Variants in RNF182 observed in about 807,000 individuals in gnomAD.
RNF182 encodes E3 ubiquitin-protein ligase RNF182.
RNF182 carries 15 observed loss-of-function variants against 14.4 expected under a neutral mutation model. That is an observed-to-expected ratio of 1.04 (90% confidence interval 0.70 to 1.60). The LOEUF (loss-of-function observed/expected upper bound fraction) is 1.60, where lower values mean the gene tolerates loss of function less well. Ranked by LOEUF, RNF182 falls within the 40% of genes most tolerant of loss-of-function variation. The probability of loss-of-function intolerance (pLI) is 0.00; values close to 1 mark genes in which losing one functional copy is unlikely to be tolerated. For missense variants in RNF182, 268 were observed against 294.8 expected (o/e 0.91, Z 0.67); for synonymous variants, 128 against 122.9 (o/e 1.04, Z -0.27).
chr6:13,947,070 G>A (rs994626196), intron 1 of RNF182, among the ~76,000 whole-genome samples: 4 of 151,950 alleles, frequency 2.6e-5, no homozygotes, highest in Middle Eastern at 3.4e-3. Flanking sequence ...TTAAATAAGA[G>A]CTTTCTATGA....
intron 1 of RNF182, among the ~76,000 whole-genome samples, chr6:13,927,417 C>T (rs1758857212): frequency 6.6e-6 from 1 of 152,150 alleles, no homozygotes; most frequent in African/African-American, 2.4e-5. Context: ...TGCTGATTCA[C>T]GGGAGTAGGA....
Position 13,977,268 on chromosome 6 carries a change from A to G in RNF182, c.149A>G (p.Lys50Arg). ...AGGGTTTGTGCCAAATGCCTCTACA[A>G]GATCATAGACTTTGGGGACTCCCCA... The part of the protein sequence containing the change: ...CHRVCAKCLY[K>R]IIDFGDSPQG... The change falls in exon 3 of 3, where the codon AAG (lysine) becomes AGG (arginine). Residue 50 changes from lysine (K) to arginine (R), a missense_variant. By Grantham distance (26) the Lys-to-Arg change is conservative (BLOSUM62 2). Transcript: ENST00000488300. 1 of 1,614,204 alleles carries G rather than the reference A, an allele frequency of 6.2e-7. No individual in the cohort carries two copies. Among genetic ancestry groups the G allele is most frequent in the Non-Finnish European group, 8.5e-7 (1 of 1,180,028 alleles).
intron 1 of RNF182, among the ~76,000 whole-genome samples, chr6:13,950,942 G>A (rs777077024): frequency 2.7e-5 from 4 of 147,822 alleles, no homozygotes; most frequent in South Asian, 2.2e-4. Context: ...GACTACAGTC[G>A]TGTGCCACCA....
chr6:13,962,815 T>C (rs959118491), intron 1 of RNF182, among the ~76,000 whole-genome samples: 1 of 152,186 alleles, frequency 6.6e-6, no homozygotes, highest in Non-Finnish European at 1.5e-5. Flanking sequence ...TGATGGATTC[T>C]ATAAGAATGA....
intron 1 of RNF182, among the ~76,000 whole-genome samples, chr6:13,969,219 T>C (rs579538): frequency 0.81 from 123,610 of 151,950 alleles, 51,059 homozygotes; most frequent in Middle Eastern, 0.91. Flanking sequence ...CATGGCAGTT[T>C]CTTGATACAT....
intron 1 of RNF182, among the ~76,000 whole-genome samples, chr6:13,926,787 GTGTGT>G (rs1481369058): frequency 7.3e-6 from 1 of 137,470 alleles, no homozygotes; most frequent in Non-Finnish European, 1.5e-5. Context: ...GTGTGTGTGT[GTGTGT>G]TTTTTTTTTT....
At chr6:13,927,130 T>C (rs963291116) in intron 1 of RNF182, among the ~76,000 whole-genome samples, 2 of 152,196 alleles carry the variant, frequency 1.3e-5, no homozygotes, top group African/African-American at 4.8e-5. Context: ...TTGCATGCAC[T>C]GCTTGGTTGT....
At position 13,980,001 on chromosome 6, in the gene RNF182, C is replaced by A. The variant is rs932822536; in HGVS notation, c.*2138C>A. The A allele has an allele frequency of 6.1e-6, 1 of 164,718 alleles. No homozygotes were observed. The highest frequency in any genetic ancestry group is 6.6e-5 in the Admixed American group (1 of 15,242). The allele number at this position is 164,718 out of a possible 1,614,324, so 10.2% of individuals were successfully genotyped here. A position where few individuals can be genotyped will look rare whatever the true frequency, so the allele number is the denominator to read the frequency against. ...TTTGTCTATTAAATTGTTATTATTT[C>A]CAAATTTAGAAGTTTGATTTCTCTG... On this transcript the variant is annotated 3_prime_UTR_variant, in exon 3 of 3. Transcript: ENST00000488300.
At chr6:13,954,571 T>TAA (rs1262122526) in intron 1 of RNF182, among the ~76,000 whole-genome samples, 1 of 152,174 alleles carries the variant, frequency 6.6e-6, no homozygotes, top group Non-Finnish European at 1.5e-5. Context: ...AAATTAAATT[T>TAA]TTTTTTTAGC....
chr6:13,943,864 A>G (rs1446379062), intron 1 of RNF182, among the ~76,000 whole-genome samples: 1 of 152,204 alleles, frequency 6.6e-6, no homozygotes, highest in African/African-American at 2.4e-5. Flanking sequence ...AAAGGTACTA[A>G]AAGACATTAA....
At chr6:13,931,331 A>G (rs1461377545) in intron 1 of RNF182, among the ~76,000 whole-genome samples, 2 of 152,182 alleles carry the variant, frequency 1.3e-5, no homozygotes, top group African/African-American at 4.8e-5. Flanking sequence ...ATGAAAAGTA[A>G]CTCAATAAAT....
intron 1 of RNF182, among the ~76,000 whole-genome samples, chr6:13,960,692 T>TGTGTGCGC (rs367625022): frequency 1.5e-5 from 2 of 137,804 alleles, no homozygotes; most frequent in South Asian, 2.4e-4. Context: ...TGTGTGTGTG[T>TGTGTGCGC]GCGCGCGTGC....
Position 13,977,224 on chromosome 6 carries a change from A to T in RNF182, c.105A>T (p.Lys35Asn), listed in dbSNP as rs372680989. The T allele has an allele frequency of 3.1e-6, 5 of 1,614,070 alleles. No individual in the cohort carries two copies. The African/African-American group carries it at 6.7e-5, about 22-fold the overall frequency. The change falls in exon 3 of 3, where the codon AAA (lysine) becomes AAT (asparagine). Residue 35 changes from lysine to asparagine, a missense_variant. Coordinates refer to ENST00000488300, the MANE Select transcript of RNF182 (RefSeq NM_152737.4). Reference sequence around the variant, plus strand: ...ACAATCTGAAACAGAGGAAACCCAAAGTGCTGGAGTGTTGTCATAGGGTTT... The same window carrying T: ...ACAATCTGAAACAGAGGAAACCCAATGTGCTGGAGTGTTGTCATAGGGTTT... ...NRYNLKQRKP[K>N]VLECCHRVCA...
At position 13,977,261 on chromosome 6, in the gene RNF182, C is replaced by G. The variant is rs761713664; in HGVS notation, c.142C>G (p.Leu48Val). Residue 48 changes from leucine to valine, a missense_variant, in exon 3 of 3, where the codon CTC becomes GTC. Coordinates refer to ENST00000488300, the MANE Select transcript of RNF182 (RefSeq NM_152737.4). ...ECCHRVCAKC[L>V]YKIIDFGDSP... ...TTGTCATAGGGTTTGTGCCAAATGC[C>G]TCTACAAGATCATAGACTTTGGGGA... 1.2e-6 allele frequency: 2 copies of G among 1,614,182 alleles called. No individual in the cohort carries two copies. The highest frequency in any genetic ancestry group is 1.7e-5 in the Admixed American group (1 of 60,012).
chr6:13,965,690 A>G (rs1760005570), intron 1 of RNF182, among the ~76,000 whole-genome samples: 1 of 152,340 alleles, frequency 6.6e-6, no homozygotes, highest in Admixed American at 6.5e-5. Context: ...TGTTACCAAA[A>G]TACCAAGGGT....
At position 13,978,982 on chromosome 6, in the gene RNF182, C is replaced by T. The variant is rs1019805420; in HGVS notation, c.*1119C>T. ...TATGTGCAAGACTTTGTGTTGTAGTCTAGACAAAGGGGTGGGCAAGAGACA... is the reference window on the plus strand; with the variant it reads ...TATGTGCAAGACTTTGTGTTGTAGTTTAGACAAAGGGGTGGGCAAGAGACA... On this transcript the variant is annotated 3_prime_UTR_variant, in exon 3 of 3. Transcript: ENST00000488300. The T allele has an allele frequency of 2.4e-5, 4 of 166,974 alleles. No individual in the cohort carries two copies. The highest frequency in any genetic ancestry group is 5.9e-5 in the Non-Finnish European group (4 of 68,122). 10.3% of individuals were successfully genotyped at this position (166,974 alleles called of 1,614,324 possible). A position where few individuals can be genotyped will look rare whatever the true frequency, so the allele number is the denominator to read the frequency against.
intron 1 of RNF182, among the ~76,000 whole-genome samples, chr6:13,952,146 TG>T (rs1292857198): frequency 6.6e-6 from 1 of 152,178 alleles, no homozygotes; most frequent in Non-Finnish European, 1.5e-5. Context: ...AAGCATTGTC[TG>T]TTGTGGGGCT....
In RNF182 at chr6:13,977,647, G is replaced by A. The variant is rs1760372015; in HGVS notation, c.528G>A (p.Leu176=). The A allele has an allele frequency of 3.1e-6, 5 of 1,614,182 alleles. No homozygotes were observed. The highest frequency in any genetic ancestry group is 4.2e-6 in the Non-Finnish European group (5 of 1,180,026). ...HNWTVWNCTS[L]LFQTSIRVLV... is the part of the protein sequence containing the mutation. ...GGACTGTGTGGAACTGCACGTCCCT[G>A]CTGTTTCAGACATCCATCCGGGTGT... Residue 176 remains leucine, a synonymous_variant, in exon 3 of 3, where the codon CTG becomes CTA. Coordinates refer to ENST00000488300, the MANE Select transcript of RNF182 (RefSeq NM_152737.4).
chr6:13,930,515 T>C (rs1758942054), intron 1 of RNF182, among the ~76,000 whole-genome samples: 1 of 152,198 alleles, frequency 6.6e-6, no homozygotes, highest in African/African-American at 2.4e-5. Context: ...TAAGTGATAC[T>C]CCCTTCTCAC....
Sources: allele counts gnomAD v4.1 joint callset (sites outside exome capture counted in the v4.1 genomes callset), GRCh38; gene constraint gnomAD v4.1.1; transcripts MANE v1.5; gene names NCBI Gene and HGNC (gene_info 2026-07-23, HGNC 2026-07-21).